PTPRD: variants seen among roughly 807,000 people sequenced by gnomAD.
PTPRD encodes receptor-type tyrosine-protein phosphatase delta.
A neutral mutation model predicts 214.5 loss-of-function variants in PTPRD; 34 were observed. That is an observed-to-expected ratio of 0.16 (90% confidence interval 0.12 to 0.21). PTPRD has a LOEUF of 0.21. Among genes scored for constraint, PTPRD ranks in the 10% least tolerant of loss-of-function variants. The pLI, the probability that PTPRD is intolerant of heterozygous loss-of-function variation, is 1.00. For synonymous variants in PTPRD, 1,128 were observed against 845.7 expected (o/e 1.33, Z -5.79); for missense variants, 2,545 against 2,398.7 (o/e 1.06, Z -1.27).
At chr9:9,935,082 A>G (rs1391339562) in intron 5 of PTPRD, among the ~76,000 whole-genome samples, 1 of 152,186 alleles carries the variant, frequency 6.6e-6, no homozygotes, top group Non-Finnish European at 1.5e-5. Context: ...TTTCAAAATA[A>G]TAAGAGCTCT....
At chr9:8,458,139 T>C (rs2096269243) in intron 33 of PTPRD, among the ~76,000 whole-genome samples, 1 of 152,152 alleles carries the variant, frequency 6.6e-6, no homozygotes. Context: ...CATTAGACGA[T>C]GCTTACATAG....
At chr9:10,121,157 A>C (rs1465549136) in intron 3 of PTPRD, among the ~76,000 whole-genome samples, 1 of 152,170 alleles carries the variant, frequency 6.6e-6, no homozygotes, top group African/African-American at 2.4e-5. Context: ...GAATAAGAGT[A>C]TTGATTATCA....
chr9:10,590,899 A>G (rs894849061), intron 2 of PTPRD, among the ~76,000 whole-genome samples: 3 of 150,458 alleles, frequency 2.0e-5, no homozygotes, highest in African/African-American at 7.3e-5. Context: ...TGCAAATTAT[A>G]TAAAATATAT....
At chr9:10,049,670 G>T (rs1365990669) in intron 3 of PTPRD, among the ~76,000 whole-genome samples, 1 of 152,168 alleles carries the variant, frequency 6.6e-6, no homozygotes, top group African/African-American at 2.4e-5. Flanking sequence ...CAGTTTATAA[G>T]AATCTTCAGT....
At chr9:9,132,069 A>G (rs1396342869) in intron 10 of PTPRD, among the ~76,000 whole-genome samples, 2 of 152,044 alleles carry the variant, frequency 1.3e-5, no homozygotes, top group Non-Finnish European at 1.5e-5. Context: ...GTGCAGTGGC[A>G]CGATCTAGGC....
chr9:8,808,804 C>A (rs919382943), intron 11 of PTPRD, among the ~76,000 whole-genome samples: 4 of 152,110 alleles, frequency 2.6e-5, no homozygotes, highest in Admixed American at 2.6e-4. Flanking sequence ...CCAGACTGGA[C>A]TCAATGAATC....
At chr9:10,109,723 A>T (rs1381638761) in intron 3 of PTPRD, among the ~76,000 whole-genome samples, 2 of 152,176 alleles carry the variant, frequency 1.3e-5, no homozygotes, top group African/African-American at 4.8e-5. Flanking sequence ...TAGTATTTCC[A>T]TGGCAGTATT....
chr9:8,707,512 G>C (rs1300323768), intron 12 of PTPRD, among the ~76,000 whole-genome samples: 1 of 152,212 alleles, frequency 6.6e-6, no homozygotes, highest in Non-Finnish European at 1.5e-5. Context: ...GGGACAAAGT[G>C]TTCCTTAAAT....
At chr9:9,218,001 G>A (rs1392547763) in intron 9 of PTPRD, among the ~76,000 whole-genome samples, 1 of 152,048 alleles carries the variant, frequency 6.6e-6, no homozygotes, top group Non-Finnish European at 1.5e-5. Flanking sequence ...TGCCGTTCAT[G>A]TTCACTCTGT....
chr9:9,752,282 T>A, intron 6 of PTPRD, among the ~76,000 whole-genome samples: 1 of 152,100 alleles, frequency 6.6e-6, no homozygotes, highest in East Asian at 1.9e-4. Context: ...TGCTTTTCCA[T>A]AAGGCTTAAT....
chr9:10,604,173 ACCT>A (rs2078698832), intron 2 of PTPRD, among the ~76,000 whole-genome samples: 1 of 634 alleles, frequency 1.6e-3, no homozygotes, highest in Non-Finnish European at 0.013. Flanking sequence ...ATATATTCTG[ACCT>A]ATTCTGACCA....
intron 4 of PTPRD, among the ~76,000 whole-genome samples, chr9:9,953,412 T>A (rs2093628010): frequency 6.6e-6 from 1 of 151,558 alleles, no homozygotes; most frequent in South Asian, 2.1e-4. Context: ...CACTATAGAA[T>A]TCAACCATGT....
intron 3 of PTPRD, among the ~76,000 whole-genome samples, chr9:10,214,558 G>A (rs144763890): frequency 2.7e-4 from 40 of 150,756 alleles, no homozygotes; most frequent in African/African-American, 8.8e-4. Flanking sequence ...ATACACACCC[G>A]AGCTATTGCA....
chr9:8,762,669 A>G (rs1599014165), intron 11 of PTPRD, among the ~76,000 whole-genome samples: 1 of 152,144 alleles, frequency 6.6e-6, no homozygotes, highest in Non-Finnish European at 1.5e-5. Flanking sequence ...GAAAAGAAAT[A>G]TTTATGGGTT....
chr9:9,888,991 T>G (rs1160860756), intron 5 of PTPRD, among the ~76,000 whole-genome samples: 1 of 152,074 alleles, frequency 6.6e-6, no homozygotes, highest in Non-Finnish European at 1.5e-5. Context: ...TTCTAGGACA[T>G]TATATTAAGT....
rs559116312 is a variant in PTPRD, at chr9:8,372,233, A to G, written c.4661+3703T>C. 1.1e-3 allele frequency among the ~76,000 whole-genome samples: 174 copies of G among 152,144 alleles called. 1 individual carries two copies. The highest frequency in any genetic ancestry group is 3.9e-3 in the African/African-American group (160 of 41,552). ...AAACATCTGTTATTTAATAAAATGG[A>G]TGGCTCAGGTTACGTAGATGATATC... On this transcript the variant is annotated intron_variant, in intron 39 of 45. Transcript: ENST00000381196.
At chr9:9,169,495 A>G (rs2099910455) in intron 10 of PTPRD, among the ~76,000 whole-genome samples, 1 of 152,126 alleles carries the variant, frequency 6.6e-6, no homozygotes, top group East Asian at 1.9e-4. Flanking sequence ...AAAACCCCAT[A>G]CTAAATTTTC....
chr9:10,118,152 T>A (rs1019949830), intron 3 of PTPRD, among the ~76,000 whole-genome samples: 3 of 151,938 alleles, frequency 2.0e-5, no homozygotes, highest in African/African-American at 7.2e-5. Flanking sequence ...AGCATTAAAT[T>A]AGAGTGTAAT....
intron 42 of PTPRD, among the ~76,000 whole-genome samples, chr9:8,339,723 G>A (rs996616568): frequency 1.3e-5 from 2 of 151,834 alleles, no homozygotes; most frequent in African/African-American, 4.8e-5. Context: ...ACGAAATAAT[G>A]CTTACATCAA....
Sources: allele counts gnomAD v4.1 joint callset (sites outside exome capture counted in the v4.1 genomes callset), GRCh38; gene constraint gnomAD v4.1.1; transcripts MANE v1.5; gene names NCBI Gene and HGNC (gene_info 2026-07-23, HGNC 2026-07-21).